Variants in CDK13 observed in about 807,000 individuals in gnomAD.
CDK13 encodes the protein cyclin-dependent kinase 13.
Under a neutral mutation model 137.6 loss-of-function variants are expected in CDK13, and 40 were observed. That is an observed-to-expected ratio of 0.29 (90% CI 0.23 to 0.38). The LOEUF (loss-of-function observed/expected upper bound fraction) is 0.38. Among genes scored for constraint, CDK13 ranks in the 10% least tolerant of loss-of-function variants. CDK13 has a pLI of 1.00. For synonymous variants in CDK13, 869 were observed against 760.1 expected (o/e 1.14, Z -2.36); for missense variants, 1,704 against 1,951.8 (o/e 0.87, Z 2.39).
At chr7:40,078,600 T>C (rs1786596684) in intron 10 of CDK13, 120 bp from the exon 11 acceptor site, 1 of 460,776 alleles carries the variant, frequency 2.2e-6, no homozygotes, top group Non-Finnish European at 3.4e-6. Context: ...GTATTTACAA[T>C]TATTTTTAAA....
intron 1 of CDK13, 196 bp downstream of exon 1, chr7:39,952,048 A>C (rs1583895787): frequency 4.5e-6 from 2 of 441,058 alleles, no homozygotes; most frequent in Non-Finnish European, 7.5e-6. Flanking sequence ...GGACAAAGCA[A>C]CTGGGCGAAG....
intron 5 of CDK13, among the ~76,000 whole-genome samples, chr7:40,038,353 G>C (rs1785531215): frequency 6.6e-6 from 1 of 152,200 alleles, no homozygotes; most frequent in African/African-American, 2.4e-5. Context: ...GCACTGCACT[G>C]TGTGGGTATG....
chr7:39,960,268 T>A (rs1159691077), intron 1 of CDK13, among the ~76,000 whole-genome samples: 1 of 151,744 alleles, frequency 6.6e-6, no homozygotes, highest in Non-Finnish European at 1.5e-5. Flanking sequence ...TTTTTTGAGA[T>A]GGAGTCTCGC....
At chr7:40,046,657 AT>A (rs1290684771) in intron 6 of CDK13, among the ~76,000 whole-genome samples, 24 of 152,072 alleles carry the variant, frequency 1.6e-4, no homozygotes, top group African/African-American at 5.8e-4. Flanking sequence ...AAAAATAAAA[AT>A]AAAAATAATC....
In CDK13 at chr7:40,094,238, A is replaced by G. The variant is rs577443105; in HGVS notation, c.3797A>G (p.Glu1266Gly). ...GACCAACGACCTCCCGAGCCTCCTGAACCACCACCAGTCACTGAGGAAGAT... is the reference window on the plus strand; with the variant it reads ...GACCAACGACCTCCCGAGCCTCCTGGACCACCACCAGTCACTGAGGAAGAT... ...PPDQRPPEPPEPPPVTEEDLD... is the reference protein window; with the variant it reads ...PPDQRPPEPPGPPPVTEEDLD... Residue 1266 changes from glutamate (E) to glycine (G), a missense_variant, in exon 14 of 14, where the codon GAA becomes GGA. Physicochemically the swap from Glu to Gly is moderately conservative, Grantham distance 98 (BLOSUM62 -2). Transcript: ENST00000181839. The G allele has an allele frequency of 6.2e-7, 1 of 1,613,182 alleles. No individual in the cohort carries two copies. Among genetic ancestry groups the G allele is most frequent in the South Asian group, 1.1e-5 (1 of 90,896 alleles).
chr7:40,090,692 C>T (rs1786901578), intron 12 of CDK13, among the ~76,000 whole-genome samples: 2 of 151,018 alleles, frequency 1.3e-5, no homozygotes, highest in African/African-American at 4.9e-5. Context: ...CGAGACCAGC[C>T]TAGGTAACAT....
At chr7:40,040,121 C>T (rs1319404577) in intron 5 of CDK13, among the ~76,000 whole-genome samples, 2 of 151,940 alleles carry the variant, frequency 1.3e-5, no homozygotes, top group African/African-American at 2.4e-5. Context: ...AAGCGATTCT[C>T]CTGCCTCTGC....
At chr7:40,007,958 A>C (rs1235816768) in intron 5 of CDK13, among the ~76,000 whole-genome samples, 1 of 152,138 alleles carries the variant, frequency 6.6e-6, no homozygotes, top group East Asian at 1.9e-4. Context: ...AGGGCATTCT[A>C]ATTATTAGTG....
intron 9 of CDK13, chr7:40,070,472 T>C (rs1786393502): frequency 6.6e-6 from 1 of 150,790 alleles, no homozygotes; most frequent in Non-Finnish European, 1.5e-5. Flanking sequence ...CCCAGTACTT[T>C]GGGAGGCTAA....
rs2116065312 is a variant in CDK13, at chr7:39,951,471, A to T, written c.830A>T (p.Lys277Met). The T allele has an allele frequency of 6.5e-7, 1 of 1,538,310 alleles. No homozygotes were observed. The highest frequency in any genetic ancestry group is 8.7e-7 in the Non-Finnish European group (1 of 1,143,260). ...AGCAGCCGCAAGGACCGGGACTCGA[A>T]GGCCCACCGCAGCCGGACTAAGTCG... ...SSSSRKDRDS[K>M]AHRSRTKSSK... Residue 277 changes from lysine (K) to methionine (M), a missense_variant, in exon 1 of 14, where the codon AAG becomes ATG. Physicochemically the swap from Lys to Met is moderately conservative, Grantham distance 95. Around this residue, in one of 5 missense-constraint regions of CDK13, gnomAD observed 1,051 missense variants for 931.0 expected, o/e 1.13. Transcript: ENST00000181839.
At chr7:39,997,162 C>T (rs767374233) in intron 2 of CDK13, among the ~76,000 whole-genome samples, 7 of 151,888 alleles carry the variant, frequency 4.6e-5, no homozygotes, top group African/African-American at 1.5e-4. Context: ...CTGAATACCC[C>T]GTACCCAGTT....
At chr7:40,087,621 T>C (rs1470406801) in intron 11 of CDK13, among the ~76,000 whole-genome samples, 1 of 143,244 alleles carries the variant, frequency 7.0e-6, no homozygotes, top group African/African-American at 2.7e-5. Context: ...CAATCTCGGC[T>C]CACCGCAACC....
chr7:40,034,750 G>C (rs1785447813), intron 5 of CDK13, among the ~76,000 whole-genome samples: 1 of 152,172 alleles, frequency 6.6e-6, no homozygotes, highest in South Asian at 2.1e-4. Context: ...AAACATAGCA[G>C]TGTATGAGTT....
chr7:40,044,971 A>C (rs1010769520), intron 5 of CDK13, among the ~76,000 whole-genome samples: 2 of 152,122 alleles, frequency 1.3e-5, no homozygotes, highest in Non-Finnish European at 2.9e-5. Flanking sequence ...AGCCTTTCCT[A>C]TTAAATATGA....
At chr7:39,982,484 A>G (rs1442281459) in intron 1 of CDK13, among the ~76,000 whole-genome samples, 3 of 152,050 alleles carry the variant, frequency 2.0e-5, no homozygotes, top group Admixed American at 1.3e-4. Context: ...ATACATGTGC[A>G]TGTGTCTTTA....
At chr7:39,989,199 G>A (rs1157695308) in intron 2 of CDK13, among the ~76,000 whole-genome samples, 1 of 149,306 alleles carries the variant, frequency 6.7e-6, no homozygotes, top group Non-Finnish European at 1.5e-5. Context: ...ATTTTTTATT[G>A]AGAAACATAT....
At chr7:40,038,572 T>G (rs1272123884) in intron 5 of CDK13, among the ~76,000 whole-genome samples, 3 of 152,232 alleles carry the variant, frequency 2.0e-5, no homozygotes, top group South Asian at 4.1e-4. Flanking sequence ...GGCTTTTTTT[T>G]GTGTTATTTC....
rs1786183068 is a variant in CDK13, at chr7:40,062,771, A to G, written c.2601-55A>G. 6 of 1,214,040 alleles carry G rather than the reference A, an allele frequency of 4.9e-6. No individual in the cohort carries two copies. In the Admixed American group the frequency reaches 8.9e-5, roughly 18 times the overall value. The allele number at this position is 1,214,040 out of a possible 1,614,324, so 75.2% of individuals were successfully genotyped here. ...TAGTAAAATAATATTTCCTCAGAGA[A>G]TCTGTCTTACTCCAACAAATACTAA... On this transcript the variant is annotated intron_variant, in intron 7 of 13. Coordinates refer to ENST00000181839, the MANE Select transcript of CDK13 (RefSeq NM_003718.5).
At chr7:40,063,928 G>A (rs1414004440) in intron 9 of CDK13, among the ~76,000 whole-genome samples, 6 of 151,980 alleles carry the variant, frequency 3.9e-5, no homozygotes, top group Non-Finnish European at 1.5e-5. Flanking sequence ...CCAAAGTGCT[G>A]TGATTACAGG....
Sources: gnomAD v4.1 joint callset for allele counts (sites outside exome capture counted in the v4.1 genomes callset) on GRCh38, gnomAD v4.1.1 for gene constraint, gnomAD v4.1.1 regional missense constraint, MANE v1.5 for transcripts, NCBI Gene and HGNC (gene_info 2026-07-23, HGNC 2026-07-21) for gene names.